The following VIPAS39 variants were observed in gnomAD, a reference collection of about 807,000 sequenced individuals.
The protein encoded by VIPAS39 is spermatogenesis-defective protein 39 homolog.
A neutral mutation model predicts 84.7 loss-of-function variants in VIPAS39; 63 were observed. That is an observed-to-expected ratio of 0.74 (90% confidence interval 0.61 to 0.92). The LOEUF is 0.92. VIPAS39 is among the 40% of genes least tolerant of loss of function. The pLI is 0.00. For missense variants in VIPAS39, 499 were observed against 604.5 expected (o/e 0.83, Z 1.83); for synonymous variants, 192 against 216.5 (o/e 0.89, Z 0.99).
chr14:77,440,741 CAG>C (rs1368356521), intron 11 of VIPAS39, among the ~76,000 whole-genome samples: 1 of 152,112 alleles, frequency 6.6e-6, no homozygotes, highest in African/African-American at 2.4e-5. Flanking sequence ...GTTCGTGAGA[CAG>C]AGTCTCACTC....
intron 12 of VIPAS39, 69 bp downstream of exon 12, chr14:77,437,738 CT>C: frequency 6.6e-7 from 1 of 1,521,206 alleles, no homozygotes; most frequent in Non-Finnish European, 9.1e-7. Flanking sequence ...CCATTCCACC[CT>C]TTTTAATTTT....
intron 16 of VIPAS39, among the ~76,000 whole-genome samples, chr14:77,431,816 G>A (rs1055764187): frequency 2.0e-5 from 3 of 152,158 alleles, no homozygotes; most frequent in African/African-American, 7.2e-5. Context: ...TTCATGAGAT[G>A]TTAACTATTC....
intron 12 of VIPAS39, among the ~76,000 whole-genome samples, chr14:77,437,254 T>A (rs1189901817): frequency 6.6e-6 from 1 of 152,160 alleles, no homozygotes; most frequent in Non-Finnish European, 1.5e-5. Context: ...CACTTTCCAA[T>A]AACGAAGGTT....
At chr14:77,434,177 A>G in intron 15 of VIPAS39, 85 bp downstream of exon 15, 1 of 1,401,712 alleles carries the variant, frequency 7.1e-7, no homozygotes, top group East Asian at 2.3e-5. Context: ...ATCAAAGGAC[A>G]CACTGTACAG....
At chr14:77,451,111 T>C (rs1450616863) in intron 4 of VIPAS39, 76 bp downstream of exon 4, 1 of 1,601,416 alleles carries the variant, frequency 6.2e-7, no homozygotes, top group African/African-American at 1.3e-5. Context: ...TCTTACAAAG[T>C]AAATGAAAAT....
chr14:77,457,252 C>T, intron 1 of VIPAS39: 1 of 1,534,274 alleles, frequency 6.5e-7, no homozygotes, highest in Admixed American at 2.0e-5. Context: ...CCCAGCGGAT[C>T]CCTGGCAGAG....
intron 15 of VIPAS39, 112 bp downstream of exon 15, chr14:77,434,150 C>T: frequency 7.8e-7 from 1 of 1,279,674 alleles, no homozygotes; most frequent in Non-Finnish European, 1.1e-6. Flanking sequence ...CATTCCTTTC[C>T]ACCTTTAACC....
rs201945437 is a variant in VIPAS39, at chr14:77,451,310, T to G, written c.220A>C (p.Thr74Pro). The change falls in exon 4 of 20, where the codon ACT becomes CCT. Residue 74 changes from threonine to proline, a missense_variant. By Grantham distance (38) the Thr-to-Pro change is conservative (BLOSUM62 -1). Coordinates refer to ENST00000557658, the MANE Select transcript of VIPAS39 (RefSeq NM_001193315.2). ...TGGGTTGAGCCGCTATTACCAGCAG[T>G]CTCTCTGATGGACCATGAGATACCT... ...VGSISWSIRE[T>P]AGNSGSTHEG... is the part of the protein sequence containing the mutation. 1 of 1,614,192 alleles carries G rather than the reference T, an allele frequency of 6.2e-7. No homozygotes were observed. The highest frequency in any genetic ancestry group is 8.5e-7 in the Non-Finnish European group (1 of 1,180,030).
Position 77,437,728 on chromosome 14 carries a change from C to A in VIPAS39, c.836+80G>T, listed in dbSNP as rs2078636126. 3.5e-6 allele frequency: 5 copies of A among 1,444,258 alleles called. No individual in the cohort carries two copies. The East Asian group carries it at 1.1e-4, about 33-fold the overall frequency. 89.5% of individuals were successfully genotyped at this position (1,444,258 alleles called of 1,614,324 possible). On this transcript the variant is annotated intron_variant, in intron 12 of 19. Transcript: ENST00000557658. ...TGTTAGCCCTCCCCTTCCTGCCTAT[C>A]CATTCCACCCTTTTTAATTTTCTTC... is the stretch of plus-strand genomic sequence containing the variant.
At chr14:77,446,194 T>C (rs2078786437) in intron 7 of VIPAS39, among the ~76,000 whole-genome samples, 1 of 152,246 alleles carries the variant, frequency 6.6e-6, no homozygotes, top group South Asian at 2.1e-4. Flanking sequence ...CTATATTTTC[T>C]TCTAGAAGTT....
At chr14:77,429,893 A>C (rs2078493510) in intron 16 of VIPAS39, 126 bp from the exon 17 acceptor site, 1 of 826,258 alleles carries the variant, frequency 1.2e-6, no homozygotes, top group African/African-American at 1.7e-5. Context: ...GGGATACAGA[A>C]ATAATGAGAA....
At position 77,427,484 on chromosome 14, in the gene VIPAS39, G is replaced by T; in HGVS notation, c.*132C>A. 9.6e-7 allele frequency: 1 copy of T among 1,045,566 alleles called. No individual in the cohort carries two copies. The highest frequency in any genetic ancestry group is 1.5e-6 in the Non-Finnish European group (1 of 674,312). 64.8% of individuals were successfully genotyped at this position (1,045,566 alleles called of 1,614,324 possible). On this transcript the variant is annotated 3_prime_UTR_variant, in exon 20 of 20. Coordinates refer to ENST00000557658, the MANE Select transcript of VIPAS39 (RefSeq NM_001193315.2). ...ATCAGTCTGAAGTTATCTGTGTCAA[G>T]AGTAGCTGGCACTGCCCATGGGTAA...
At chr14:77,445,117 C>T (rs1292365077) in intron 7 of VIPAS39, among the ~76,000 whole-genome samples, 1 of 151,578 alleles carries the variant, frequency 6.6e-6, no homozygotes, top group African/African-American at 2.4e-5. Context: ...TGCCACCACA[C>T]CCGGCTAATT....
chr14:77,441,621 G>A (rs540461899), intron 10 of VIPAS39, among the ~76,000 whole-genome samples: 206 of 152,230 alleles, frequency 1.4e-3, no homozygotes, highest in African/African-American at 4.8e-3. Context: ...GAGTAAGGGA[G>A]GGAAGGAAGG....
At chr14:77,441,027 G>A (rs767163205) in intron 11 of VIPAS39, 39 bp downstream of exon 11, 8 of 1,610,994 alleles carry the variant, frequency 5.0e-6, no homozygotes, top group African/African-American at 2.7e-5. Context: ...CTAGATTTCT[G>A]TTAAACAGGT....
At chr14:77,449,989 A>T (rs2078856604) in intron 4 of VIPAS39, among the ~76,000 whole-genome samples, 1 of 152,248 alleles carries the variant, frequency 6.6e-6, no homozygotes, top group African/African-American at 2.4e-5. Context: ...AACCATTTTT[A>T]AGTGTATAAG....
At chr14:77,435,713 C>G (rs2078599990) in intron 13 of VIPAS39, 131 bp downstream of exon 13, 1 of 1,055,350 alleles carries the variant, frequency 9.5e-7, no homozygotes, top group Non-Finnish European at 1.5e-6. Flanking sequence ...CTATTGTGTA[C>G]AGGCAGAAAA....
At position 77,444,261 on chromosome 14, in the gene VIPAS39, G is replaced by A. The variant is rs1288949014; in HGVS notation, c.585C>T (p.Asn195=). Residue 195 remains asparagine, a synonymous_variant, in exon 8 of 20, where the codon AAC becomes AAT. Coordinates refer to ENST00000557658, the MANE Select transcript of VIPAS39 (RefSeq NM_001193315.2). ...TCCGACAACTCACTGCAGTAATGACGTTTCCATCATGCATGCTTACTGCCT... is the reference window on the plus strand; with the variant it reads ...TCCGACAACTCACTGCAGTAATGACATTTCCATCATGCATGCTTACTGCCT... The part of the protein sequence containing the change: ...LEEAVSMHDG[N]VITAVLIFLK... 9.3e-6 allele frequency: 15 copies of A among 1,613,438 alleles called. No homozygotes were observed. The highest frequency in any genetic ancestry group is 1.0e-5 in the Non-Finnish European group (12 of 1,179,598).
chr14:77,455,406 G>A (rs8018711), intron 1 of VIPAS39, among the ~76,000 whole-genome samples: 66,498 of 152,078 alleles, frequency 0.44, 16,939 homozygotes, highest in East Asian at 0.93. Context: ...GATCACCTGA[G>A]CTTGGGACGT....
Sources: gnomAD v4.1 joint callset for allele counts (sites outside exome capture counted in the v4.1 genomes callset) on GRCh38, gnomAD v4.1.1 for gene constraint, MANE v1.5 for transcripts, NCBI Gene and HGNC (gene_info 2026-07-23, HGNC 2026-07-21) for gene names.